Variants in C2orf81 observed in about 807,000 individuals in gnomAD.
C2orf81 encodes chromosome 2 open reading frame 81.
In C2orf81, 5 loss-of-function variants were observed where a neutral mutation model predicts 7.9. The observed-to-expected ratio is 0.63, with a 90% CI of 0.33 to 1.33. C2orf81 has a LOEUF of 1.33. C2orf81 is among the 40% of genes most tolerant of loss of function. C2orf81 has a pLI of 0.05. For missense variants in C2orf81, 781 were observed against 830.4 expected (o/e 0.94, Z 0.73); for synonymous variants, 346 against 367.4 (o/e 0.94, Z 0.66).
rs575210480 is a variant in C2orf81 at position 74,416,642 on chromosome 2, C to CCTT, written c.19-404_19-402dup. On this transcript the variant is annotated intron_variant, in intron 1 of 2. Coordinates refer to ENST00000684111, the MANE Select transcript of C2orf81 (RefSeq NM_001316764.3). Reference sequence around the variant, plus strand: ...CCGAAGTCTGACAGAAGTTAACCAGCCTTGCTTAGGAGCACACAGTGAGCA... The same window carrying CCTT: ...CCGAAGTCTGACAGAAGTTAACCAGCCTTCTTGCTTAGGAGCACACAGTGAGCA... 53 of 162,864 alleles carry CCTT rather than the reference C, an allele frequency of 3.3e-4. No individual in the cohort carries two copies. In the East Asian group the frequency reaches 9.7e-3, roughly 30 times the overall value. 10.1% of individuals were successfully genotyped at this position (162,864 alleles called of 1,614,324 possible). A position where few individuals can be genotyped will look rare whatever the true frequency, so the allele number is the denominator to read the frequency against.
chr2:74,420,285 CT>C (rs907912343), intron 1 of C2orf81, among the ~76,000 whole-genome samples: 2 of 148,258 alleles, frequency 1.3e-5, no homozygotes, highest in African/African-American at 5.0e-5. Context: ...TTTGTAATCA[CT>C]TAAAAAAAAA....
At chr2:74,416,565 C>CAAAAAAAAAAAAAAAAAAAAAAAAAAA (rs59349435) in intron 1 of C2orf81, 1 of 52,196 alleles carries the variant, frequency 1.9e-5, no homozygotes, top group Non-Finnish European at 4.5e-5. Flanking sequence ...GACTGCGTCT[C>CAAAAAAAAAAAAAAAAAAAAAAAAAAA]AAAAAAAAAA....
intron 1 of C2orf81, chr2:74,417,660 T>C (rs1676503518): frequency 2.8e-6 from 2 of 724,596 alleles, no homozygotes; most frequent in African/African-American, 1.9e-5. Flanking sequence ...GCCAGGACAG[T>C]GGAGTGGGGT....
chr2:74,417,334 C>T, intron 1 of C2orf81: 1 of 1,299,694 alleles, frequency 7.7e-7, no homozygotes, highest in Non-Finnish European at 1.0e-6. Context: ...GTTGGGGGAG[C>T]AGCCCCAGCC....
rs371363222 is a variant in C2orf81 at position 74,416,178 on chromosome 2, G to A, written c.82C>T (p.Pro28Ser). Residue 28 changes from proline to serine, a missense_variant, in exon 2 of 3, where the codon CCC becomes TCC. Transcript: ENST00000684111. The stretch of plus-strand genomic sequence containing the variant: ...TCCACCTGCGGCACTGGCACAGTGG[G>A]CGGCCGCACTTTTTCCGCCTTGGAC... Reference protein sequence around the residue: ...TRSKAEKVRPPTVPVPQVDIV... With the variant: ...TRSKAEKVRPSTVPVPQVDIV... The A allele has an allele frequency of 1.0e-5, 15 of 1,469,954 alleles. No individual in the cohort carries two copies. Among genetic ancestry groups the A allele is most frequent in the South Asian group, 4.8e-5 (4 of 82,530 alleles). 91.1% of individuals were successfully genotyped at this position (1,469,954 alleles called of 1,614,324 possible). A position where few individuals can be genotyped will look rare whatever the true frequency, so the allele number is the denominator to read the frequency against.
chr2:74,416,143 A>AG lies in C2orf81; in HGVS notation c.116dup (p.Gly40TrpfsTer5). 6.6e-7 allele frequency: 1 copy of AG among 1,518,666 alleles called. No individual in the cohort carries two copies. The highest frequency in any genetic ancestry group is 8.9e-7 in the Non-Finnish European group (1 of 1,126,516). The allele number at this position is 1,518,666 out of a possible 1,614,324, so 94.1% of individuals were successfully genotyped here. ...TCCACTCGGCCTCACTGAGCCGCCCAGGCACAATATCCACCTGCGGCACTG... is the reference window on the plus strand; with the variant it reads ...TCCACTCGGCCTCACTGAGCCGCCCAGGGCACAATATCCACCTGCGGCACTG... On this transcript the variant is annotated frameshift_variant, in exon 2 of 3. Coordinates refer to ENST00000684111, the MANE Select transcript of C2orf81 (RefSeq NM_001316764.3). LOFTEE classifies it high-confidence loss of function.
chr2:74,421,245 T>C (rs966553042), intron 1 of C2orf81, among the ~76,000 whole-genome samples: 1 of 152,350 alleles, frequency 6.6e-6, no homozygotes, highest in Middle Eastern at 3.4e-3. Context: ...CACCACCATG[T>C]AAGAGACTTA....
chr2:74,414,534 G>T lies in C2orf81; in HGVS notation c.1643C>A (p.Pro548Gln), dbSNP rs753892654. ...CACCTGGGAAGTGGCTTCAAGGACC[G>T]GGGGTGTGGTTCGAGGCCATCTGCC... ...DPGRWPRTTP[P>Q]VLEATSQVMW... The change falls in exon 3 of 3, where the codon CCG becomes CAG. Residue 548 changes from proline (P) to glutamine (Q), a missense_variant. Physicochemically the swap from Pro to Gln is moderately conservative, Grantham distance 76. Coordinates refer to ENST00000684111, the MANE Select transcript of C2orf81 (RefSeq NM_001316764.3). The surrounding 1 kb of genome is among the most constrained non-coding windows in gnomAD (Gnocchi z 5.3). 3.9e-6 allele frequency: 6 copies of T among 1,543,524 alleles called. No homozygotes were observed. Among genetic ancestry groups the T allele is most frequent in the East Asian group, 4.9e-5 (2 of 40,796 alleles).
intron 1 of C2orf81, among the ~76,000 whole-genome samples, chr2:74,418,764 G>A (rs1676532228): frequency 6.6e-6 from 1 of 151,904 alleles, no homozygotes; most frequent in South Asian, 2.1e-4. Flanking sequence ...TATCATACAA[G>A]TAGGATGTAG....
chr2:74,417,273 G>T, intron 1 of C2orf81: 1 of 795,286 alleles, frequency 1.3e-6, no homozygotes, highest in African/African-American at 1.8e-5. Flanking sequence ...CCTTGTTATT[G>T]GTGCCCCATC....
intron 1 of C2orf81, chr2:74,417,558 T>A (rs1396851573): frequency 9.1e-7 from 1 of 1,098,590 alleles, no homozygotes; most frequent in Non-Finnish European, 1.2e-6. Context: ...TGGGGAAGGA[T>A]GAAAGGTGTG....
In C2orf81 at chr2:74,415,209, C is replaced by A; in HGVS notation, c.968G>T (p.Gly323Val). ...AGDRLELRSEGVPCIASGVLV... is the reference protein window; with the variant it reads ...AGDRLELRSEVVPCIASGVLV... ...CACGCCCGAGGCGATGCAGGGCACCCCCTCTGACCTGAGTTCCAGCCGATC... is the reference window on the plus strand; with the variant it reads ...CACGCCCGAGGCGATGCAGGGCACCACCTCTGACCTGAGTTCCAGCCGATC... The change falls in exon 3 of 3, where the codon GGG becomes GTG. Residue 323 changes from glycine (G) to valine (V), a missense_variant. Transcript: ENST00000684111. This position sits in a 1 kb window ranked among gnomAD's most constrained non-coding sequence, Gnocchi z 5.5. The A allele has an allele frequency of 6.5e-7, 1 of 1,548,778 alleles. No homozygotes were observed. Among genetic ancestry groups the A allele is most frequent in the Non-Finnish European group, 8.7e-7 (1 of 1,146,680 alleles).
At position 74,415,171 on chromosome 2, in the gene C2orf81, G is replaced by GGCGGGTGGCGCC; in HGVS notation, c.1005_1006insGGCGCCACCCGC (p.Tyr335_Pro336insGlyAlaThrArg). ...GGGCGGGTGGCGCCGCCCACAGAGG[G>GGCGGGTGGCGCC]GTAGGACACCAACACGCCCGAGGCG... On this transcript the variant is annotated inframe_insertion, in exon 3 of 3. Coordinates refer to ENST00000684111, the MANE Select transcript of C2orf81 (RefSeq NM_001316764.3). This position sits in a 1 kb window ranked among gnomAD's most constrained non-coding sequence, Gnocchi z 5.5. 1 of 1,545,040 alleles carries GGCGGGTGGCGCC rather than the reference G, an allele frequency of 6.5e-7. No homozygotes were observed.
intron 1 of C2orf81, among the ~76,000 whole-genome samples, chr2:74,419,719 C>T (rs1009551145): frequency 7.9e-5 from 12 of 152,186 alleles, no homozygotes; most frequent in African/African-American, 2.9e-4. Flanking sequence ...AAATAATTGA[C>T]ATGCTATATA....
In C2orf81 at chr2:74,414,493, A is replaced by C; in HGVS notation, c.1684T>G (p.Leu562Val). 1 of 1,550,264 alleles carries C rather than the reference A, an allele frequency of 6.5e-7. No homozygotes were observed. The highest frequency in any genetic ancestry group is 8.7e-7 in the Non-Finnish European group (1 of 1,146,112). The stretch of plus-strand genomic sequence containing the variant: ...GCCAGCTTCAGGGCTTCTGGCAGCA[A>C]CACGGGCTTCCACATCACCTGGGAA... The part of the protein sequence containing the change: ...ATSQVMWKPV[L>V]LPEALKLAPG... Residue 562 changes from leucine (L) to valine (V), a missense_variant, in exon 3 of 3, where the codon TTG becomes GTG. Physicochemically the swap from Leu to Val is conservative, Grantham distance 32. Transcript: ENST00000684111. This position sits in a 1 kb window ranked among gnomAD's most constrained non-coding sequence, Gnocchi z 5.3.
At chr2:74,418,291 A>G in intron 1 of C2orf81, 2 of 1,608,492 alleles carry the variant, frequency 1.2e-6, no homozygotes, top group Non-Finnish European at 1.7e-6. Context: ...AGGTGTTGGC[A>G]CTTCGCTGAG....
At chr2:74,417,622 C>G (rs1419024574) in intron 1 of C2orf81, 2 of 989,894 alleles carry the variant, frequency 2.0e-6, no homozygotes, top group South Asian at 1.6e-5. Flanking sequence ...GGGGCCAGCA[C>G]CCCCCTCCAT....
At chr2:74,419,610 G>A (rs1676546436) in intron 1 of C2orf81, among the ~76,000 whole-genome samples, 1 of 152,032 alleles carries the variant, frequency 6.6e-6, no homozygotes, top group African/African-American at 2.4e-5. Context: ...CAACCAAAAG[G>A]CATTTTCTGA....
chr2:74,418,511 G>GTGCA, intron 1 of C2orf81: 1 of 984,956 alleles, frequency 1.0e-6, no homozygotes, highest in South Asian at 1.3e-5. Flanking sequence ...CTGGCCTGCG[G>GTGCA]TGCATGCTCC....
Sources: allele counts gnomAD v4.1 joint callset (sites outside exome capture counted in the v4.1 genomes callset), GRCh38; gene constraint gnomAD v4.1.1; non-coding constraint Gnocchi (gnomAD v3.1); transcripts MANE v1.5; gene names NCBI Gene and HGNC (gene_info 2026-07-23, HGNC 2026-07-21).